Variants in EML6 observed in about 807,000 individuals in gnomAD.
The protein encoded by EML6 is EMAP like 6.
In EML6, 154 loss-of-function variants were observed where a neutral mutation model predicts 240.1. That is an observed-to-expected ratio of 0.64 (90% CI 0.56 to 0.73). EML6 has a LOEUF of 0.73. EML6 is among the 30% of genes least tolerant of loss of function. EML6 has a pLI of 0.00. For missense variants in EML6, 2,964 were observed against 2,474.6 expected, an observed-to-expected ratio of 1.20 and a Z score of -4.20; for synonymous variants, 1,148 against 899.0, an observed-to-expected ratio of 1.28 and a Z score of -4.95.
At chr2:54,767,191 A>G (rs1478023538) in intron 2 of EML6, among the ~76,000 whole-genome samples, 1 of 152,216 alleles carries the variant, frequency 6.6e-6, no homozygotes, top group Non-Finnish European at 1.5e-5. Context: ...ACACTGTTAC[A>G]GCAAAGTATT....
chr2:54,930,376 A>G (rs1045260074), intron 28 of EML6, among the ~76,000 whole-genome samples: 1 of 152,182 alleles, frequency 6.6e-6, no homozygotes, highest in Non-Finnish European at 1.5e-5. Context: ...GCCAAACTTA[A>G]TGAAAGGTAG....
At chr2:54,846,924 T>C (rs1459904403) in intron 8 of EML6, among the ~76,000 whole-genome samples, 6 of 33,416 alleles carry the variant, frequency 1.8e-4, no homozygotes, top group African/African-American at 4.3e-4. Context: ...TGAAGTAGTA[T>C]TTTTTTTTTT....
At chr2:54,960,994 T>C (rs993492138) in intron 35 of EML6, among the ~76,000 whole-genome samples, 4 of 151,952 alleles carry the variant, frequency 2.6e-5, no homozygotes, top group Non-Finnish European at 5.9e-5. Context: ...CTTGTGTTTG[T>C]TTTTAAATAT....
chr2:54,961,192 T>TTTTTTTTTGTTTTTTTTTTTTTG (rs1676492278), intron 35 of EML6, among the ~76,000 whole-genome samples: 1 of 113,432 alleles, frequency 8.8e-6, no homozygotes, highest in African/African-American at 3.5e-5. Context: ...TAGTTTTTTT[T>TTTTTTTTTGTTTTTTTTTTTTTG]TTTTTTTTTT....
chr2:54,832,560 T>C (rs1156523842), intron 7 of EML6, among the ~76,000 whole-genome samples: 2 of 152,176 alleles, frequency 1.3e-5, no homozygotes, highest in Non-Finnish European at 2.9e-5. Flanking sequence ...TTTGAGGAGA[T>C]AAAAGTAATC....
intron 7 of EML6, among the ~76,000 whole-genome samples, chr2:54,838,484 A>C (rs1208710624): frequency 6.6e-6 from 1 of 152,212 alleles, no homozygotes; most frequent in East Asian, 1.9e-4. Flanking sequence ...ATATAAATCC[A>C]GTTCATATAT....
At chr2:54,905,364 AC>A in intron 24 of EML6, among the ~76,000 whole-genome samples, 1 of 150,622 alleles carries the variant, frequency 6.6e-6, no homozygotes, top group Non-Finnish European at 1.5e-5. Flanking sequence ...ACACACACAC[AC>A]ACACACACAC....
chr2:54,816,068 A>T (rs924973859), intron 3 of EML6, among the ~76,000 whole-genome samples: 1 of 152,246 alleles, frequency 6.6e-6, no homozygotes. Flanking sequence ...AAGAAAAGCC[A>T]AATCTACTTA....
At chr2:54,737,786 G>A (rs1683462657) in intron 2 of EML6, among the ~76,000 whole-genome samples, 2 of 152,156 alleles carry the variant, frequency 1.3e-5, no homozygotes, top group Non-Finnish European at 1.5e-5. Flanking sequence ...AACCCTCAGA[G>A]GAAAAGCCAG....
intron 2 of EML6, among the ~76,000 whole-genome samples, chr2:54,736,119 G>T (rs1424381382): frequency 1.3e-5 from 2 of 152,196 alleles, no homozygotes; most frequent in Admixed American, 1.3e-4. Flanking sequence ...GGAGGGTACG[G>T]TGGGAGATGA....
At chr2:54,947,370 A>T (rs564941502) in intron 28 of EML6, among the ~76,000 whole-genome samples, 10 of 152,194 alleles carry the variant, frequency 6.6e-5, no homozygotes, top group African/African-American at 2.4e-4. Context: ...TTTTGCAGAG[A>T]TGTGCTGTCT....
intron 17 of EML6, chr2:54,881,644 G>T (rs1182807982): frequency 8.9e-5 from 7 of 78,500 alleles, no homozygotes; most frequent in Non-Finnish European, 1.6e-4. Context: ...GTGAGACTCC[G>T]TCCCAAAAAA....
chr2:54,728,177 TAAC>T (rs1682992877), intron 2 of EML6, among the ~76,000 whole-genome samples: 1 of 152,244 alleles, frequency 6.6e-6, no homozygotes, highest in Admixed American at 6.5e-5. Context: ...GCTATTGGGC[TAAC>T]AACAAGATGC....
intron 24 of EML6, among the ~76,000 whole-genome samples, chr2:54,908,368 C>G (rs930679473): frequency 3.3e-5 from 5 of 152,012 alleles, no homozygotes; most frequent in African/African-American, 1.2e-4. Context: ...TGCCACCATG[C>G]CCGGCTAATT....
intron 13 of EML6, among the ~76,000 whole-genome samples, chr2:54,865,873 C>T (rs1464736745): frequency 6.6e-6 from 1 of 152,226 alleles, no homozygotes; most frequent in Non-Finnish European, 1.5e-5. Context: ...GAATTTGAAG[C>T]CCACAGAGGT....
chr2:54,885,079 C>T (rs990365445), intron 17 of EML6, among the ~76,000 whole-genome samples: 6 of 152,126 alleles, frequency 3.9e-5, no homozygotes, highest in Non-Finnish European at 7.4e-5. Context: ...CTCATCTGAG[C>T]CCGGGAGGCA....
intron 25 of EML6, 38 bp downstream of exon 25, chr2:54,911,080 T>C: frequency 8.9e-7 from 1 of 1,128,884 alleles, no homozygotes; most frequent in African/African-American, 1.5e-5. Context: ...AGATATTTTG[T>C]GAAGATTTAA....
chr2:54,885,587 C>T (rs1184223117), intron 17 of EML6, among the ~76,000 whole-genome samples: 1 of 152,050 alleles, frequency 6.6e-6, no homozygotes, highest in East Asian at 1.9e-4. Context: ...TGTATCCTAG[C>T]TCCAATATCC....
intron 11 of EML6, among the ~76,000 whole-genome samples, chr2:54,857,260 C>A (rs1042210859): frequency 3.9e-5 from 6 of 152,064 alleles, no homozygotes; most frequent in Admixed American, 2.0e-4. Context: ...TGGAGATGTG[C>A]ACTTGGCAGT....
Sources: allele counts gnomAD v4.1 joint callset (sites outside exome capture counted in the v4.1 genomes callset), GRCh38; gene constraint gnomAD v4.1.1; transcripts MANE v1.5; gene names NCBI Gene and HGNC (gene_info 2026-07-23, HGNC 2026-07-21).